The following DNMBP variants were observed in gnomAD, a reference collection of about 807,000 sequenced individuals.
DNMBP encodes the protein dynamin-binding protein.
A neutral mutation model predicts 150.0 loss-of-function variants in DNMBP; 87 were observed. That is an observed-to-expected ratio of 0.58 (90% CI 0.49 to 0.69). The LOEUF (loss-of-function observed/expected upper bound fraction) is 0.69, where lower values mean the gene tolerates loss of function less well. Among genes scored for constraint, DNMBP ranks in the 30% least tolerant of loss-of-function variants. The probability of loss-of-function intolerance (pLI) is 0.00; values close to 1 mark genes in which losing one functional copy is unlikely to be tolerated. For synonymous variants in DNMBP, 711 were observed against 750.4 expected, an observed-to-expected ratio of 0.95 and a Z score of 0.86; for missense variants, 1,774 against 1,949.0, an observed-to-expected ratio of 0.91 and a Z score of 1.69.
intron 1 of DNMBP, among the ~76,000 whole-genome samples, chr10:100,005,077 TG>T (rs2041053753): frequency 6.6e-6 from 1 of 152,066 alleles, no homozygotes; most frequent in Admixed American, 6.6e-5. Flanking sequence ...CTTACGAGAT[TG>T]AAAACCATGG....
rs559177975 is a variant in DNMBP, at chr10:99,948,292, A to G, written c.2260+6922T>C. ...GGAAAACTTGTCATCTTTGATTATG[A>G]TCTCTACTACTATTCAAGAATGTGT... On this transcript the variant is annotated intron_variant, in intron 4 of 16. Coordinates refer to ENST00000324109, the MANE Select transcript of DNMBP (RefSeq NM_015221.4). 4.5e-4 allele frequency among the ~76,000 whole-genome samples: 68 copies of G among 152,316 alleles called. 1 individual carries two copies. Among genetic ancestry groups the G allele is most frequent in the African/African-American group, 1.6e-3 (65 of 41,586 alleles).
chr10:99,976,504 G>A (rs748024671), intron 1 of DNMBP, among the ~76,000 whole-genome samples: 11 of 151,884 alleles, frequency 7.2e-5, no homozygotes, highest in Admixed American at 6.6e-5. Context: ...ACTTTTCCAC[G>A]CCCTTGCTAT....
intron 3 of DNMBP, among the ~76,000 whole-genome samples, chr10:99,962,265 A>C (rs2040572797): frequency 6.6e-6 from 1 of 152,212 alleles, no homozygotes; most frequent in Non-Finnish European, 1.5e-5. Flanking sequence ...CCCCAAAAAT[A>C]GGGTCTTGGT....
At chr10:99,992,812 C>T (rs1381062076) in intron 1 of DNMBP, among the ~76,000 whole-genome samples, 1 of 152,060 alleles carries the variant, frequency 6.6e-6, no homozygotes, top group Admixed American at 6.6e-5. Flanking sequence ...AGGCATAAGA[C>T]ACCGCATCCG....
In DNMBP at chr10:99,930,801, T is replaced by C. The variant is rs965172377; in HGVS notation, c.2261-21655A>G. ...TAAAGACAAAGGTTTTACTATTCTT[T>C]TCCATGGGCCTGGGCTGGGCTGTGG... On this transcript the variant is annotated intron_variant, in intron 4 of 16. Transcript: ENST00000324109. The C allele has an allele frequency of 1.1e-5, 7 of 624,726 alleles. No homozygotes were observed. The East Asian group carries it at 1.9e-4, about 17-fold the overall frequency. 38.7% of individuals were successfully genotyped at this position (624,726 alleles called of 1,614,324 possible). A position where few individuals can be genotyped will look rare whatever the true frequency, so the allele number is the denominator to read the frequency against.
chr10:99,939,152 C>A (rs551558930), intron 4 of DNMBP, among the ~76,000 whole-genome samples: 1 of 152,214 alleles, frequency 6.6e-6, no homozygotes, highest in East Asian at 1.9e-4. Flanking sequence ...TATGTAACTC[C>A]CTAAACTTTT....
At chr10:99,960,126 A>G (rs578077972) in intron 3 of DNMBP, among the ~76,000 whole-genome samples, 2 of 152,324 alleles carry the variant, frequency 1.3e-5, no homozygotes, top group Non-Finnish European at 2.9e-5. Context: ...TAAAGAAAGG[A>G]TAAGAGCACA....
chr10:99,933,856 C>T (rs571556202), intron 4 of DNMBP, among the ~76,000 whole-genome samples: 11 of 152,362 alleles, frequency 7.2e-5, no homozygotes, highest in African/African-American at 1.7e-4. Context: ...CCTGCCTCAG[C>T]CTCCGCAGCA....
At chr10:99,953,289 A>C (rs964992371) in intron 4 of DNMBP, among the ~76,000 whole-genome samples, 1 of 151,714 alleles carries the variant, frequency 6.6e-6, no homozygotes, top group Non-Finnish European at 1.5e-5. Flanking sequence ...TTTAAGAGAC[A>C]GGTCTCTCTA....
chr10:99,971,322 C>CCTTT (rs1307297873), intron 2 of DNMBP, among the ~76,000 whole-genome samples: 2 of 151,602 alleles, frequency 1.3e-5, no homozygotes, highest in African/African-American at 4.9e-5. Context: ...TTCCTTCCTT[C>CCTTT]CTTCCTTTCT....
intron 1 of DNMBP, among the ~76,000 whole-genome samples, chr10:99,987,393 G>T (rs750191218): frequency 6.6e-6 from 1 of 152,024 alleles, no homozygotes; most frequent in Non-Finnish European, 1.5e-5. Flanking sequence ...CATGAATCTG[G>T]GGATAAAACA....
chr10:99,942,687 G>A (rs1393070327), intron 4 of DNMBP, among the ~76,000 whole-genome samples: 1 of 152,138 alleles, frequency 6.6e-6, no homozygotes, highest in Non-Finnish European at 1.5e-5. Context: ...TGACTCACAG[G>A]TCAATTATAC....
Position 99,900,081 on chromosome 10 carries a change from C to A in DNMBP, c.2555-15G>T, listed in dbSNP as rs934250376. 6 of 1,613,778 alleles carry A rather than the reference C, an allele frequency of 3.7e-6. No individual in the cohort carries two copies. In the African/African-American group the frequency reaches 6.7e-5, roughly 18 times the overall value. The stretch of plus-strand genomic sequence containing the variant: ...AAACACAGGTCCTTTGGAATACACA[C>A]AAACATACAGTGTTTTTAGTAAACT... On this transcript the variant is annotated splice_polypyrimidine_tract_variant and intron_variant, in intron 6 of 16. Transcript: ENST00000324109.
At chr10:99,962,234 A>G (rs541541916) in intron 3 of DNMBP, among the ~76,000 whole-genome samples, 3 of 152,328 alleles carry the variant, frequency 2.0e-5, no homozygotes, top group African/African-American at 2.4e-5. Flanking sequence ...CACAAATTTG[A>G]TATTATTTGG....
chr10:99,892,223 G>A (rs61872214), intron 11 of DNMBP, among the ~76,000 whole-genome samples: 3 of 149,436 alleles, frequency 2.0e-5, no homozygotes, highest in African/African-American at 5.0e-5. Flanking sequence ...GGTGAGGGGC[G>A]CCTCTGCCCG....
Position 99,902,046 on chromosome 10 carries a change from C to G in DNMBP, c.2555-1980G>C, listed in dbSNP as rs547303847. On this transcript the variant is annotated intron_variant, in intron 6 of 16. Transcript: ENST00000324109. ...GCCTCCTGAGTAGCTGGGACACCAC[C>G]ACACCTGCTAATTTTTGCATTTTTT... 3.3e-5 allele frequency among the ~76,000 whole-genome samples: 5 copies of G among 151,492 alleles called. No homozygotes were observed. In the South Asian group the frequency reaches 1.0e-3, roughly 32 times the overall value.
chr10:99,950,987 GGCCCAAA>G (rs2040415696), intron 4 of DNMBP, among the ~76,000 whole-genome samples: 1 of 152,232 alleles, frequency 6.6e-6, no homozygotes, highest in Non-Finnish European at 1.5e-5. Context: ...ACCCATCACA[GGCCCAAA>G]GGCCTAGGAG....
intron 4 of DNMBP, among the ~76,000 whole-genome samples, chr10:99,944,531 T>C (rs1589432104): frequency 6.6e-6 from 1 of 152,298 alleles, no homozygotes; most frequent in East Asian, 1.9e-4. Context: ...ATCTGAACCT[T>C]AACTTGTTAA....
intron 3 of DNMBP, 150 bp downstream of exon 3, chr10:99,968,965 T>G (rs1274036456): frequency 1.3e-6 from 1 of 785,214 alleles, no homozygotes; most frequent in East Asian, 2.6e-5. Context: ...TACTAAACTA[T>G]AAGGCATCAT....
Sources: gnomAD v4.1 joint callset for allele counts (sites outside exome capture counted in the v4.1 genomes callset) on GRCh38, gnomAD v4.1.1 for gene constraint, MANE v1.5 for transcripts, NCBI Gene and HGNC (gene_info 2026-07-23, HGNC 2026-07-21) for gene names.